Variants in TEX36 observed in about 807,000 individuals in gnomAD.
TEX36 encodes testis-expressed protein 36.
TEX36 carries 12 observed loss-of-function variants against 13.6 expected under a neutral mutation model. The observed-to-expected ratio is 0.88, with a 90% CI of 0.56 to 1.43. The LOEUF is 1.43. Among genes scored for constraint, TEX36 ranks in the 40% most tolerant of loss-of-function variants. TEX36 has a pLI of 0.00. For synonymous variants in TEX36, 93 were observed against 83.0 expected (o/e 1.12, Z -0.65); for missense variants, 224 against 228.3 (o/e 0.98, Z 0.12).
At chr10:125,620,024 A>G (rs1322131198), downstream of TEX36, among the ~76,000 whole-genome samples, 2 of 152,118 alleles carry the variant, frequency 1.3e-5, no homozygotes, top group Non-Finnish European at 2.9e-5. Context: ...GTACCTAAGC[A>G]TTCTCTATTT....
chr10:125,631,116 A>G (rs1314670791), intron 3 of TEX36, among the ~76,000 whole-genome samples: 2 of 152,232 alleles, frequency 1.3e-5, no homozygotes, highest in Non-Finnish European at 2.9e-5. Context: ...CTGGAAACAG[A>G]CACTGAAGCA....
rs1245640373 is a variant in TEX36 at position 125,595,546 on chromosome 10, A to G, written c.265-18672T>C. 3.3e-5 allele frequency among the ~76,000 whole-genome samples: 5 copies of G among 152,176 alleles called. No homozygotes were observed. In the East Asian group the frequency reaches 7.7e-4, roughly 23 times the overall value. Reference sequence around the variant, plus strand: ...CCTGCTCAGTAGCCCCTCCTGCTCAATATGTGCTGCCTTCCCTCTGTGCTC... The same window carrying G: ...CCTGCTCAGTAGCCCCTCCTGCTCAGTATGTGCTGCCTTCCCTCTGTGCTC... On this transcript the variant is annotated intron_variant, in intron 3 of 3. Transcript: ENST00000532135.
intron 3 of TEX36, among the ~76,000 whole-genome samples, chr10:125,648,348 A>AAG (rs1395716723): frequency 9.2e-5 from 14 of 152,204 alleles, no homozygotes; most frequent in Admixed American, 4.6e-4. Context: ...GTTCTGCAAT[A>AAG]TTTGCTGTTC....
intron 3 of TEX36, among the ~76,000 whole-genome samples, chr10:125,607,355 A>G (rs1053452408): frequency 1.3e-5 from 2 of 152,160 alleles, no homozygotes; most frequent in Non-Finnish European, 2.9e-5. Context: ...CAAAAGGTCT[A>G]TTTTGTCATT....
At chr10:125,634,003 C>T (rs1169337275) in intron 3 of TEX36, among the ~76,000 whole-genome samples, 1 of 152,012 alleles carries the variant, frequency 6.6e-6, no homozygotes. Context: ...GATACCTTTA[C>T]TTTCTTGGAT....
intron 3 of TEX36, among the ~76,000 whole-genome samples, chr10:125,584,425 T>A (rs1845919109): frequency 6.6e-6 from 1 of 152,250 alleles, no homozygotes; most frequent in Admixed American, 6.5e-5. Context: ...ACCCCTAATT[T>A]TAACAGCCAT....
intron 3 of TEX36, among the ~76,000 whole-genome samples, chr10:125,647,021 T>C (rs1007453989): frequency 5.3e-5 from 8 of 152,206 alleles, no homozygotes; most frequent in South Asian, 4.1e-4. Context: ...AGTAAGATAA[T>C]TGCATATCGA....
rs1589795118 is a variant in TEX36 at position 125,683,039 on chromosome 10, T to TAA, written c.-52_-51dup. 6.5e-7 allele frequency: 1 copy of TAA among 1,545,390 alleles called. No individual in the cohort carries two copies. The highest frequency in any genetic ancestry group is 8.8e-7 in the Non-Finnish European group (1 of 1,141,272). ...TGAGATTGGCTCCCTCACCTCTCCA[T>TAA]AAGCTCTACATGTCTGGGAAGCTGC... On this transcript the variant is annotated 5_prime_UTR_variant, in exon 1 of 4. An upstream open reading frame in the 5' UTR loses its in-frame stop. Transcript: ENST00000368821.
intron 1 of TEX36, among the ~76,000 whole-genome samples, chr10:125,677,437 A>G (rs1847328756): frequency 6.6e-6 from 1 of 152,184 alleles, no homozygotes; most frequent in Non-Finnish European, 1.5e-5. Flanking sequence ...GATTATTTCA[A>G]AAGACCTGTC....
chr10:125,624,507 G>A (rs1846463335), intron 3 of TEX36, among the ~76,000 whole-genome samples: 1 of 152,072 alleles, frequency 6.6e-6, no homozygotes, highest in Non-Finnish European at 1.5e-5. Context: ...AGGAAGAGTT[G>A]CAATGGGTCA....
At chr10:125,642,194 GA>G (rs975864545) in intron 3 of TEX36, among the ~76,000 whole-genome samples, 3 of 152,206 alleles carry the variant, frequency 2.0e-5, no homozygotes, top group African/African-American at 7.2e-5. Flanking sequence ...GAGAAGAAAA[GA>G]AAATGCACCT....
intron 3 of TEX36, among the ~76,000 whole-genome samples, chr10:125,577,812 C>T (rs965387437): frequency 3.3e-5 from 5 of 152,206 alleles, no homozygotes; most frequent in Admixed American, 3.3e-4. Flanking sequence ...CTACTCAGCT[C>T]TTTGGCAGAA....
At chr10:125,650,334 T>G (rs1372357882) in intron 3 of TEX36, among the ~76,000 whole-genome samples, 1 of 152,146 alleles carries the variant, frequency 6.6e-6, no homozygotes. Context: ...GAACTCAGGA[T>G]TAAGAAACTC....
intron 3 of TEX36, among the ~76,000 whole-genome samples, chr10:125,642,637 T>A (rs1846707871): frequency 6.6e-6 from 1 of 152,236 alleles, no homozygotes; most frequent in African/African-American, 2.4e-5. Flanking sequence ...TAAATAATAT[T>A]GACTTACATC....
At position 125,650,593 on chromosome 10, in the gene TEX36, G is replaced by A. The variant is rs957944604; in HGVS notation, c.264+10428C>T. Among the ~76,000 whole-genome samples the A allele has an allele frequency of 3.3e-5, 5 of 152,144 alleles. No individual in the cohort carries two copies. In the East Asian group the frequency reaches 5.8e-4, roughly 18 times the overall value. ...TAACATCATAATTAAAAGAACTAGAGAAGCAAGAGCAAACACATTAAAAAG... is the reference window on the plus strand; with the variant it reads ...TAACATCATAATTAAAAGAACTAGAAAAGCAAGAGCAAACACATTAAAAAG... On this transcript the variant is annotated intron_variant, in intron 3 of 3. Transcript: ENST00000526819.
At chr10:125,665,349 G>A (rs922372628) in intron 1 of TEX36, among the ~76,000 whole-genome samples, 19 of 152,068 alleles carry the variant, frequency 1.2e-4, no homozygotes, top group Non-Finnish European at 2.8e-4. Context: ...TTTTCTCTAG[G>A]TTTTCTTCTA....
chr10:125,604,840 C>G (rs531872758), intron 3 of TEX36, among the ~76,000 whole-genome samples: 1 of 151,440 alleles, frequency 6.6e-6, no homozygotes, highest in East Asian at 1.9e-4. Context: ...GAATCTAATG[C>G]CTGATGATCT....
intron 1 of TEX36, among the ~76,000 whole-genome samples, chr10:125,662,757 A>G (rs1249433121): frequency 6.6e-6 from 1 of 152,122 alleles, no homozygotes; most frequent in African/African-American, 2.4e-5. Flanking sequence ...CCCCCAGAAG[A>G]AGGCGTGACC....
At chr10:125,651,448 C>A (rs536524837), downstream of TEX36, among the ~76,000 whole-genome samples, 11 of 152,084 alleles carry the variant, frequency 7.2e-5, no homozygotes, top group African/African-American at 2.7e-4. Flanking sequence ...ATTCAACAGC[C>A]CTTCATGCTA....
Sources: allele counts gnomAD v4.1 joint callset (sites outside exome capture counted in the v4.1 genomes callset), GRCh38; gene constraint gnomAD v4.1.1; transcripts MANE v1.5; gene names NCBI Gene and HGNC (gene_info 2026-07-23, HGNC 2026-07-21).